Variants in QRFPR observed in about 807,000 individuals in gnomAD.
QRFPR encodes the protein pyroglutamylated RFamide peptide receptor, also known as pyroglutamylated RF-amide peptide receptor.
QRFPR carries 37 observed loss-of-function variants against 31.3 expected under a neutral mutation model. The ratio of observed to expected loss-of-function variants is 1.18; its 90% CI spans 0.91 to 1.56. The LOEUF is 1.56. Among genes scored for constraint, QRFPR ranks in the 40% most tolerant of loss-of-function variants. QRFPR has a pLI of 0.00. For missense variants in QRFPR, 542 were observed against 532.5 expected, an observed-to-expected ratio of 1.02 and a Z score of -0.18; for synonymous variants, 197 against 192.0, an observed-to-expected ratio of 1.03 and a Z score of -0.22.
intron 1 of QRFPR, among the ~76,000 whole-genome samples, chr4:121,370,878 T>G (rs1726229220): frequency 6.6e-6 from 1 of 152,224 alleles, no homozygotes; most frequent in Admixed American, 6.5e-5. Flanking sequence ...AAGCTTGATC[T>G]AAAACCTGTA....
At chr4:121,345,275 A>G (rs146074354) in intron 1 of QRFPR, among the ~76,000 whole-genome samples, 215 of 152,306 alleles carry the variant, frequency 1.4e-3, no homozygotes, top group African/African-American at 5.1e-3. Flanking sequence ...AAGTGCTAAT[A>G]GGTCACTGCT....
chr4:121,370,392 C>T, intron 1 of QRFPR: 1 of 702,988 alleles, frequency 1.4e-6, no homozygotes, highest in Non-Finnish European at 2.7e-6. Flanking sequence ...ATCCCTGCCA[C>T]CACGGTGAAA....
In QRFPR at chr4:121,380,478, G is replaced by A. The variant is rs1579597120; in HGVS notation, c.170C>T (p.Ala57Val). The A allele has an allele frequency of 1.2e-6, 2 of 1,614,262 alleles. No homozygotes were observed. Among genetic ancestry groups the A allele is most frequent in the Non-Finnish European group, 1.7e-6 (2 of 1,180,050 alleles). Residue 57 changes from alanine to valine, a missense_variant, in exon 1 of 6, where the codon GCC (alanine) becomes GTC (valine). Transcript: ENST00000394427. ...ALVLTGVLIF[A>V]LALFGNALVF... ...CAGAGCATTGCCAAAGAGCGCCAGG[G>A]CGAAGATGAGCACGCCGGTGAGCAC...
intron 1 of QRFPR, among the ~76,000 whole-genome samples, chr4:121,358,225 T>G (rs1725906869): frequency 6.6e-6 from 1 of 152,250 alleles, no homozygotes; most frequent in Non-Finnish European, 1.5e-5. Flanking sequence ...TATTGCTTAT[T>G]GTCAACATTA....
intron 4 of QRFPR, among the ~76,000 whole-genome samples, chr4:121,331,712 G>A (rs1412286454): frequency 6.6e-6 from 1 of 151,186 alleles, no homozygotes; most frequent in African/African-American, 2.4e-5. Flanking sequence ...GAGTGCAGTG[G>A]CGTGATCTCG....
chr4:121,343,415 C>T (rs995622096), intron 1 of QRFPR, among the ~76,000 whole-genome samples: 3 of 152,216 alleles, frequency 2.0e-5, no homozygotes, highest in African/African-American at 4.8e-5. Context: ...ATCCCACTCA[C>T]TTCTATTCCT....
At chr4:121,354,108 A>G (rs1029685816) in intron 1 of QRFPR, among the ~76,000 whole-genome samples, 2 of 151,946 alleles carry the variant, frequency 1.3e-5, no homozygotes, top group Admixed American at 6.6e-5. Flanking sequence ...TTTGATTCCT[A>G]TAGTTTTGCA....
intron 1 of QRFPR, among the ~76,000 whole-genome samples, chr4:121,379,519 T>G (rs1338978860): frequency 6.6e-6 from 1 of 152,246 alleles, no homozygotes; most frequent in Non-Finnish European, 1.5e-5. Context: ...ATTCTCCAGC[T>G]GTGTTCTTGG....
chr4:121,349,239 CTT>C (rs1181453308), intron 1 of QRFPR, among the ~76,000 whole-genome samples: 2 of 151,746 alleles, frequency 1.3e-5, no homozygotes, highest in Non-Finnish European at 2.9e-5. Context: ...TTTTTTTACT[CTT>C]TTTCCATAGC....
intron 1 of QRFPR, among the ~76,000 whole-genome samples, chr4:121,365,625 ATATTATATATATATTT>A (rs1560744209): frequency 0.26 from 4,648 of 17,750 alleles, 562 homozygotes; most frequent in East Asian, 0.34. Context: ...TATATATTAT[ATATTATATATATATTT>A]TATATATTAT....
chr4:121,330,302 G>T, intron 5 of QRFPR, 124 bp downstream of exon 5: 1 of 673,324 alleles, frequency 1.5e-6, no homozygotes. Flanking sequence ...AGACATGAAA[G>T]AAATATATGA....
rs544619190 is a variant in QRFPR, at chr4:121,377,522, A to G, written c.340+2786T>C. On this transcript the variant is annotated intron_variant, in intron 1 of 5. Transcript: ENST00000394427. ...ATGCCTTGCACGGTATTCTTGGAAC[A>G]CACCATCTTCTTTCTTCCCTCCAAC... Among the ~76,000 whole-genome samples, 47 of 151,936 alleles carry G rather than the reference A, an allele frequency of 3.1e-4. 1 individual carries two copies. The highest frequency in any genetic ancestry group is 3.4e-3 in the Middle Eastern group (1 of 294).
intron 1 of QRFPR, among the ~76,000 whole-genome samples, chr4:121,378,507 G>T (rs558912174): frequency 6.6e-6 from 1 of 151,374 alleles, no homozygotes; most frequent in Non-Finnish European, 1.5e-5. Flanking sequence ...CTGCCTCCCG[G>T]GGTCAAGCCA....
chr4:121,332,813 A>C lies in QRFPR; in HGVS notation c.797+8T>G, dbSNP rs756930579. ...AATTTAAAGAGGTGAATATTTCATT[A>C]AACAGACCTGGCTATTTTGGACATT... On this transcript the variant is annotated splice_region_variant and intron_variant, in intron 4 of 5. Transcript: ENST00000394427. 1.9e-6 allele frequency: 3 copies of C among 1,596,298 alleles called. No homozygotes were observed. Among genetic ancestry groups the C allele is most frequent in the Middle Eastern group, 1.7e-4 (1 of 6,012 alleles).
chr4:121,332,847 A>G lies in QRFPR; in HGVS notation c.771T>C (p.His257=). The stretch of plus-strand genomic sequence containing the variant: ...TGGCTATTTTGGACATTTCTTTTCC[A>G]TGAATAGTTCGAAGCACTGAACCAT... ...VGDGSVLRTI[H]GKEMSKIARK... The change falls in exon 4 of 6, where the codon CAT becomes CAC. Residue 257 remains histidine, a synonymous_variant. Transcript: ENST00000394427. 1.9e-6 allele frequency: 3 copies of G among 1,613,816 alleles called. No individual in the cohort carries two copies. Among genetic ancestry groups the G allele is most frequent in the Non-Finnish European group, 2.5e-6 (3 of 1,179,720 alleles).
chr4:121,345,180 A>G (rs1725620629), intron 1 of QRFPR, among the ~76,000 whole-genome samples: 1 of 152,244 alleles, frequency 6.6e-6, no homozygotes, highest in East Asian at 1.9e-4. Flanking sequence ...AAGCAGTAAT[A>G]GGTGAGATCC....
At chr4:121,352,512 C>T (rs1462943141) in intron 1 of QRFPR, among the ~76,000 whole-genome samples, 2 of 152,028 alleles carry the variant, frequency 1.3e-5, no homozygotes, top group South Asian at 4.1e-4. Context: ...ACTACATGCT[C>T]ATTTAAAAAA....
In QRFPR at chr4:121,329,486, T is replaced by C. The variant is rs748214315; in HGVS notation, c.1124A>G (p.Lys375Arg). Residue 375 changes from lysine (K) to arginine (R), a missense_variant, in exon 6 of 6, where the codon AAG (lysine) becomes AGG (arginine). By Grantham distance (26) the Lys-to-Arg change is conservative. Transcript: ENST00000394427. ...CACTGGATTCTCTCTGAGGGAAAAC[T>C]TTGCTTTCTTCCGCATCATTGTAAT... ...SGITMMRKKA[K>R]FSLRENPVEE... 1.2e-6 allele frequency: 2 copies of C among 1,614,138 alleles called. No homozygotes were observed. Among genetic ancestry groups the C allele is most frequent in the South Asian group, 2.2e-5 (2 of 91,086 alleles).
At position 121,328,996 on chromosome 4, in the gene QRFPR, C is replaced by T. The variant is rs571485228; in HGVS notation, c.*318G>A. On this transcript the variant is annotated 3_prime_UTR_variant, in exon 6 of 6. Coordinates refer to ENST00000394427, the MANE Select transcript of QRFPR (RefSeq NM_198179.3). ...GTTTTGATCTCCTGACCTCGTGATC[C>T]GCCCGTCTAGGCCTCCCAAAGTGCT... 268 of 176,332 alleles carry T rather than the reference C, an allele frequency of 1.5e-3. 4 individuals are homozygous for T. Among genetic ancestry groups the T allele is most frequent in the African/African-American group, 6.0e-3 (254 of 42,410 alleles). The allele number at this position is 176,332 out of a possible 1,614,324, so 10.9% of individuals were successfully genotyped here. A position where few individuals can be genotyped will look rare whatever the true frequency, so the allele number is the denominator to read the frequency against.
Sources: gnomAD v4.1 joint callset for allele counts (sites outside exome capture counted in the v4.1 genomes callset) on GRCh38, gnomAD v4.1.1 for gene constraint, MANE v1.5 for transcripts, NCBI Gene and HGNC (gene_info 2026-07-23, HGNC 2026-07-21) for gene names.